Variants in MVB12B observed in about 807,000 individuals in gnomAD.
MVB12B encodes ESCRT-I complex subunit MVB12B.
Under a neutral mutation model 41.6 loss-of-function variants are expected in MVB12B, and 16 were observed. That is an observed-to-expected ratio of 0.38 (90% CI 0.26 to 0.58). MVB12B has a LOEUF of 0.58. Ranked by LOEUF, MVB12B falls within the 20% of genes least tolerant of loss-of-function variation. MVB12B has a pLI of 0.62. For synonymous variants in MVB12B, 133 were observed against 139.7 expected (o/e 0.95, Z 0.34); for missense variants, 274 against 380.2 (o/e 0.72, Z 2.32).
At chr9:126,491,477 G>C (rs943002545) in intron 9 of MVB12B, among the ~76,000 whole-genome samples, 2 of 152,154 alleles carry the variant, frequency 1.3e-5, no homozygotes, top group Non-Finnish European at 2.9e-5. Context: ...CGGTCCCTTT[G>C]CACCATCTAG....
Position 126,459,361 on chromosome 9 carries a change from G to A in MVB12B, c.758-22008G>A, listed in dbSNP as rs116460927. On this transcript the variant is annotated intron_variant, in intron 7 of 9. Coordinates refer to ENST00000361171, the MANE Select transcript of MVB12B (RefSeq NM_033446.3). This position sits in a 1 kb window ranked among gnomAD's most constrained non-coding sequence, Gnocchi z 4.3. ...GACTGTGACCCATGGGGACAGTCTA[G>A]CATGGTGCTTGGCACAAAGTCCAAA... is the stretch of plus-strand genomic sequence containing the variant. Among the ~76,000 whole-genome samples, 260 of 152,302 alleles carry A rather than the reference G, an allele frequency of 1.7e-3. No individual in the cohort carries two copies. Among genetic ancestry groups the A allele is most frequent in the African/African-American group, 6.2e-3 (257 of 41,558 alleles).
chr9:126,381,178 C>G lies in MVB12B; in HGVS notation c.312+7C>G. 3 of 1,591,452 alleles carry G rather than the reference C, an allele frequency of 1.9e-6. No individual in the cohort carries two copies. Among genetic ancestry groups the G allele is most frequent in the Non-Finnish European group, 2.6e-6 (3 of 1,160,004 alleles). The stretch of plus-strand genomic sequence containing the variant: ...ATCATTTTCCAAAGAAAATGTAAGT[C>G]TAGTCGTAGTTTCCATTTGCTGAGT... On this transcript the variant is annotated splice_region_variant and intron_variant, in intron 3 of 9. Transcript: ENST00000361171.
intron 7 of MVB12B, among the ~76,000 whole-genome samples, chr9:126,441,983 A>G (rs1336284341): frequency 2.6e-5 from 4 of 152,188 alleles, no homozygotes; most frequent in African/African-American, 9.7e-5. Context: ...ATTTTGCTTT[A>G]AGAATTAGTA....
intron 6 of MVB12B, among the ~76,000 whole-genome samples, chr9:126,420,205 T>C (rs1011887942): frequency 9.2e-5 from 14 of 152,256 alleles, no homozygotes; most frequent in African/African-American, 1.7e-4. Flanking sequence ...CTGTGATTTG[T>C]TTCTGCTTTA....
At position 126,473,866 on chromosome 9, in the gene MVB12B, C is replaced by T. The variant is rs1443824410; in HGVS notation, c.758-7503C>T. 6.6e-6 allele frequency among the ~76,000 whole-genome samples: 1 copy of T among 152,194 alleles called. No individual in the cohort carries two copies. Among genetic ancestry groups the T allele is most frequent in the Non-Finnish European group, 1.5e-5 (1 of 68,034 alleles). ...ATGTTGAGGCTTGAGTTATTTGATG[C>T]CTGTTCACCACCTTGTGTATGGGCA... is the stretch of plus-strand genomic sequence containing the variant. On this transcript the variant is annotated intron_variant, in intron 7 of 9. Coordinates refer to ENST00000361171, the MANE Select transcript of MVB12B (RefSeq NM_033446.3). This position sits in a 1 kb window ranked among gnomAD's most constrained non-coding sequence, Gnocchi z 4.0.
chr9:126,499,890 TCAGCCCAGCCCGGAGGGCC>T (rs1379220572), intron 9 of MVB12B, among the ~76,000 whole-genome samples: 1 of 146,326 alleles, frequency 6.8e-6, no homozygotes. Flanking sequence ...AGAGAGGAGC[TCAGCCCAGCCCGGAGGGCC>T]CAGCCATGCC....
At chr9:126,341,594 C>A (rs1327592031) in intron 2 of MVB12B, among the ~76,000 whole-genome samples, 1 of 152,202 alleles carries the variant, frequency 6.6e-6, no homozygotes, top group East Asian at 1.9e-4. Context: ...ATGCCTGGTC[C>A]AGCAGAAGAA....
At position 126,506,377 on chromosome 9, in the gene MVB12B, G is replaced by T. The variant is rs781677704; in HGVS notation, c.*3114G>T. 4 of 152,586 alleles carry T rather than the reference G, an allele frequency of 2.6e-5. No individual in the cohort carries two copies. Among genetic ancestry groups the T allele is most frequent in the Non-Finnish European group, 5.9e-5 (4 of 68,042 alleles). The allele number at this position is 152,586 out of a possible 1,614,324, so 9.5% of individuals were successfully genotyped here. ...GGCTGACTTGGCCCACTGCTAAGCG[G>T]CAGAGGCAGGGCCAGCCATCCTGTC... On this transcript the variant is annotated 3_prime_UTR_variant, in exon 10 of 10. Coordinates refer to ENST00000361171, the MANE Select transcript of MVB12B (RefSeq NM_033446.3).
At chr9:126,399,653 G>T (rs1486557663) in intron 6 of MVB12B, among the ~76,000 whole-genome samples, 1 of 152,174 alleles carries the variant, frequency 6.6e-6, no homozygotes, top group Non-Finnish European at 1.5e-5. Flanking sequence ...CAGGAGGCAG[G>T]TGGGCTCACA....
At position 126,442,212 on chromosome 9, in the gene MVB12B, T is replaced by C. The variant is rs565351431; in HGVS notation, c.757+20264T>C. On this transcript the variant is annotated intron_variant, in intron 7 of 9. Transcript: ENST00000361171. ...AGAATAATGGTGCAGTTTACAGTTCTTCAGGGGAGAATCAGACCTTTCTGA... is the reference window on the plus strand; with the variant it reads ...AGAATAATGGTGCAGTTTACAGTTCCTCAGGGGAGAATCAGACCTTTCTGA... Among the ~76,000 whole-genome samples, 35 of 152,348 alleles carry C rather than the reference T, an allele frequency of 2.3e-4. No individual in the cohort carries two copies. In the South Asian group the frequency reaches 7.2e-3, roughly 32 times the overall value.
chr9:126,434,412 A>G (rs1425553535), intron 7 of MVB12B, among the ~76,000 whole-genome samples: 1 of 152,192 alleles, frequency 6.6e-6, no homozygotes, highest in Non-Finnish European at 1.5e-5. Flanking sequence ...GTTAGAGAGC[A>G]GTTTCTTACG....
chr9:126,391,796 G>A lies in MVB12B; in HGVS notation c.410-270G>A, dbSNP rs138100547. ...GATGGCTGAGCAGTGAGCAGATTGT[G>A]GTTGCGGCTCTTAGAAGCCACCCAG... is the stretch of plus-strand genomic sequence containing the variant. On this transcript the variant is annotated intron_variant, in intron 4 of 9. Coordinates refer to ENST00000361171, the MANE Select transcript of MVB12B (RefSeq NM_033446.3). The surrounding 1 kb of genome is among the most constrained non-coding windows in gnomAD (Gnocchi z 4.4). 1.1e-4 allele frequency among the ~76,000 whole-genome samples: 17 copies of A among 152,336 alleles called. No homozygotes were observed. The highest frequency in any genetic ancestry group is 7.8e-4 in the Admixed American group (12 of 15,314).
rs922981940 is a variant in MVB12B at position 126,392,955 on chromosome 9, G to A, written c.539+760G>A. 1.3e-5 allele frequency among the ~76,000 whole-genome samples: 2 copies of A among 152,240 alleles called. No individual in the cohort carries two copies. Among genetic ancestry groups the A allele is most frequent in the East Asian group, 3.8e-4 (2 of 5,202 alleles). ...GAGTTTATTCCAAGCACGCTAGAAA[G>A]TCAGTGGAGGGCTCCAAGTCAGGAA... On this transcript the variant is annotated intron_variant, in intron 5 of 9. Transcript: ENST00000361171. This position sits in a 1 kb window ranked among gnomAD's most constrained non-coding sequence, Gnocchi z 4.8.
intron 9 of MVB12B, among the ~76,000 whole-genome samples, chr9:126,487,766 CAAA>C (rs570639548): frequency 3.7e-5 from 4 of 108,920 alleles, no homozygotes; most frequent in African/African-American, 3.8e-5. Flanking sequence ...GACTCCGTCT[CAAA>C]AAAAAAAAAA....
chr9:126,378,494 C>A (rs1054271266), intron 2 of MVB12B, among the ~76,000 whole-genome samples: 1 of 152,186 alleles, frequency 6.6e-6, no homozygotes, highest in Admixed American at 6.5e-5. Context: ...TCTCACTCCT[C>A]ACCCAGTACC....
intron 2 of MVB12B, among the ~76,000 whole-genome samples, chr9:126,375,311 A>G (rs1313713084): frequency 1.4e-5 from 2 of 140,608 alleles, no homozygotes; most frequent in East Asian, 2.0e-4. Flanking sequence ...CCGGGTGCCT[A>G]TTGATTTTCA....
chr9:126,410,888 C>CTTT (rs770993852), intron 6 of MVB12B, among the ~76,000 whole-genome samples: 69 of 133,786 alleles, frequency 5.2e-4, no homozygotes, highest in East Asian at 3.0e-3. Flanking sequence ...TTGGTTATTT[C>CTTT]TTTTTTTTTT....
intron 6 of MVB12B, among the ~76,000 whole-genome samples, chr9:126,399,227 C>T (rs1359265887): frequency 6.6e-6 from 1 of 152,216 alleles, no homozygotes; most frequent in Non-Finnish European, 1.5e-5. Flanking sequence ...ATCTCACATA[C>T]AGACATCGCC....
intron 1 of MVB12B, among the ~76,000 whole-genome samples, chr9:126,331,476 G>A (rs543468281): frequency 6.6e-6 from 1 of 151,968 alleles, no homozygotes. Context: ...TTGTTTTTTT[G>A]TTGTTGATTT....
Sources: allele counts gnomAD v4.1 joint callset (sites outside exome capture counted in the v4.1 genomes callset), GRCh38; gene constraint gnomAD v4.1.1; non-coding constraint Gnocchi (gnomAD v3.1); transcripts MANE v1.5; gene names NCBI Gene and HGNC (gene_info 2026-07-23, HGNC 2026-07-21).